Variants in GSG1L observed in about 807,000 individuals in gnomAD.
GSG1L encodes germ cell-specific gene 1-like protein.
A neutral mutation model predicts 42.1 loss-of-function variants in GSG1L; 24 were observed. That is an observed-to-expected ratio of 0.57 (90% CI 0.41 to 0.80). GSG1L has a LOEUF of 0.80. Among genes scored for constraint, GSG1L ranks in the 30% least tolerant of loss-of-function variants. The pLI is 0.00. For missense variants in GSG1L, 445 were observed against 472.2 expected, an observed-to-expected ratio of 0.94 and a Z score of 0.53; for synonymous variants, 215 against 203.5, an observed-to-expected ratio of 1.06 and a Z score of -0.48.
At chr16:28,047,956 C>T (rs1029514066) in intron 1 of GSG1L, among the ~76,000 whole-genome samples, 4 of 151,596 alleles carry the variant, frequency 2.6e-5, no homozygotes, top group African/African-American at 4.9e-5. Flanking sequence ...CAGTGGTTCA[C>T]GCTTGTAATC....
chr16:27,973,553 A>T (rs919309299), intron 1 of GSG1L, among the ~76,000 whole-genome samples: 1 of 150,466 alleles, frequency 6.6e-6, no homozygotes, highest in Non-Finnish European at 1.5e-5. Flanking sequence ...GGTCTTCTGC[A>T]GCCTAATTGG....
At chr16:27,927,428 G>A (rs1053321407) in intron 2 of GSG1L, among the ~76,000 whole-genome samples, 7 of 152,110 alleles carry the variant, frequency 4.6e-5, no homozygotes. Context: ...AGTGACTCCC[G>A]TTGTTGTTCA....
chr16:27,870,502 G>C (rs1045048854), intron 3 of GSG1L, among the ~76,000 whole-genome samples: 1 of 150,972 alleles, frequency 6.6e-6, no homozygotes, highest in South Asian at 2.1e-4. Flanking sequence ...TGTCCCAGGG[G>C]CCTGTTCATC....
chr16:27,860,225 C>T (rs983149663), intron 3 of GSG1L, among the ~76,000 whole-genome samples: 3 of 152,220 alleles, frequency 2.0e-5, no homozygotes, highest in African/African-American at 7.2e-5. Flanking sequence ...CACCTGCCTG[C>T]CCTGACCAGG....
intron 2 of GSG1L, among the ~76,000 whole-genome samples, chr16:27,938,835 C>T (rs2084751536): frequency 1.3e-5 from 2 of 152,196 alleles, no homozygotes; most frequent in South Asian, 4.1e-4. Context: ...AAGAGGATCA[C>T]TTAAACCACA....
At chr16:27,794,009 TTTTG>T (rs71140911) in intron 6 of GSG1L, among the ~76,000 whole-genome samples, 1,908 of 151,928 alleles carry the variant, frequency 0.013, 53 homozygotes, top group African/African-American at 0.044. Flanking sequence ...TAAACTGTTT[TTTTG>T]TTTGTTTGTT....
intron 2 of GSG1L, among the ~76,000 whole-genome samples, chr16:27,928,448 C>T (rs11644301): frequency 0.48 from 72,367 of 151,958 alleles, 17,382 homozygotes; most frequent in South Asian, 0.57. Flanking sequence ...AGTCTCTGGG[C>T]CCCTCCAAGA....
rs555920530 is a variant in GSG1L at position 27,964,907 on chromosome 16, T to C, written c.350-1704A>G. 1.3e-3 allele frequency among the ~76,000 whole-genome samples: 199 copies of C among 152,340 alleles called. 1 individual carries two copies. The highest frequency in any genetic ancestry group is 2.4e-3 in the Non-Finnish European group (160 of 68,034). Reference sequence around the variant, plus strand: ...TGTAGTCAATAATAACTTAACTGTATATTTTTAAATGACAAAAAGAGTATA... The same window carrying C: ...TGTAGTCAATAATAACTTAACTGTACATTTTTAAATGACAAAAAGAGTATA... On this transcript the variant is annotated intron_variant, in intron 1 of 6. Coordinates refer to ENST00000447459, the MANE Select transcript of GSG1L (RefSeq NM_001109763.2).
At chr16:28,058,736 C>T (rs959437948) in intron 1 of GSG1L, among the ~76,000 whole-genome samples, 2 of 151,710 alleles carry the variant, frequency 1.3e-5, no homozygotes, top group African/African-American at 4.8e-5. Context: ...ATGACACTAA[C>T]ATACTCCCAA....
chr16:27,945,438 T>C (rs1186241955), intron 2 of GSG1L, among the ~76,000 whole-genome samples: 1 of 151,932 alleles, frequency 6.6e-6, no homozygotes, highest in Non-Finnish European at 1.5e-5. Flanking sequence ...CACTAGCCCC[T>C]CCCCCTGCTC....
At position 27,915,830 on chromosome 16, in the gene GSG1L, C is replaced by A. The variant is rs1031420391; in HGVS notation, c.398-31192G>T. On this transcript the variant is annotated intron_variant, in intron 2 of 6. Coordinates refer to ENST00000447459, the MANE Select transcript of GSG1L (RefSeq NM_001109763.2). ...AATACAATAGGATCATGTCAGGTAG[C>A]GGCAGCCACAGCAGAGAGGTTAAAG... 1.3e-5 allele frequency among the ~76,000 whole-genome samples: 2 copies of A among 152,058 alleles called. 1 individual carries two copies. Among genetic ancestry groups the A allele is most frequent in the Non-Finnish European group, 2.9e-5 (2 of 67,994 alleles).
At chr16:28,060,497 G>A (rs1357976122) in intron 1 of GSG1L, among the ~76,000 whole-genome samples, 1 of 152,142 alleles carries the variant, frequency 6.6e-6, no homozygotes, top group Admixed American at 6.5e-5. Flanking sequence ...GTGGCCAAGA[G>A]GAAACTGGGG....
chr16:28,056,463 CT>C lies in GSG1L; in HGVS notation c.349+6612del, dbSNP rs572074902. Among the ~76,000 whole-genome samples, 197 of 98,974 alleles carry C rather than the reference CT, an allele frequency of 2.0e-3. 1 individual carries two copies. Among genetic ancestry groups the C allele is most frequent in the African/African-American group, 7.7e-3 (182 of 23,490 alleles). 64.9% of individuals were successfully genotyped at this position (98,974 alleles called of 152,430 possible). A position where few individuals can be genotyped will look rare whatever the true frequency, so the allele number is the denominator to read the frequency against. On this transcript the variant is annotated intron_variant, in intron 1 of 6. Coordinates refer to ENST00000447459, the MANE Select transcript of GSG1L (RefSeq NM_001109763.2). ...AGGAAGGGGAACATCACACCGGGGC[CT>C]GCTGTTGGGTGGGGGGAGGGGGGAG...
chr16:28,055,905 C>T (rs1567572353), intron 1 of GSG1L, among the ~76,000 whole-genome samples: 1 of 131,384 alleles, frequency 7.6e-6, no homozygotes, highest in African/African-American at 2.6e-5. Context: ...GAGTCTGGCA[C>T]CCCAGAATTT....
intron 5 of GSG1L, among the ~76,000 whole-genome samples, chr16:27,825,234 C>CT (rs2083196670): frequency 6.6e-6 from 1 of 152,124 alleles, no homozygotes; most frequent in South Asian, 2.1e-4. Flanking sequence ...GAATGAGCTC[C>CT]TAGTAGGTGC....
chr16:27,995,205 T>C (rs1383087773), intron 1 of GSG1L, among the ~76,000 whole-genome samples: 1 of 152,154 alleles, frequency 6.6e-6, no homozygotes, highest in Non-Finnish European at 1.5e-5. Flanking sequence ...TGCAAAAAGA[T>C]GAACTGCACG....
chr16:27,988,642 T>C (rs747908698), intron 1 of GSG1L, among the ~76,000 whole-genome samples: 14 of 151,924 alleles, frequency 9.2e-5, no homozygotes, highest in Non-Finnish European at 1.9e-4. Flanking sequence ...TTTGTATTGA[T>C]AATACACTAA....
chr16:27,879,481 G>C (rs1385268710), intron 3 of GSG1L, among the ~76,000 whole-genome samples: 1 of 152,174 alleles, frequency 6.6e-6, no homozygotes, highest in Non-Finnish European at 1.5e-5. Context: ...TGGGCATGAT[G>C]TCACACACCT....
chr16:28,016,961 C>T (rs951431695), intron 1 of GSG1L, among the ~76,000 whole-genome samples: 1 of 152,214 alleles, frequency 6.6e-6, no homozygotes, highest in Admixed American at 6.5e-5. Flanking sequence ...ATCTTGCCTC[C>T]GCCTTTAGGG....
Sources: allele counts gnomAD v4.1 joint callset (sites outside exome capture counted in the v4.1 genomes callset), GRCh38; gene constraint gnomAD v4.1.1; transcripts MANE v1.5; gene names NCBI Gene and HGNC (gene_info 2026-07-23, HGNC 2026-07-21).